Variants in VAV3 observed in about 807,000 individuals in gnomAD.
The protein encoded by VAV3 is guanine nucleotide exchange factor VAV3.
VAV3 carries 94 observed loss-of-function variants against 131.2 expected under a neutral mutation model. That is an observed-to-expected ratio of 0.72 (90% CI 0.61 to 0.85). The LOEUF is 0.85. Among genes scored for constraint, VAV3 ranks in the 40% least tolerant of loss-of-function variants. The pLI is 0.00. For synonymous variants in VAV3, 349 were observed against 342.0 expected, an observed-to-expected ratio of 1.02 and a Z score of -0.22; for missense variants, 939 against 1,002.7, an observed-to-expected ratio of 0.94 and a Z score of 0.86.
chr1:107,850,486 T>C (rs11185187), intron 2 of VAV3, among the ~76,000 whole-genome samples: 106,676 of 151,076 alleles, frequency 0.71, 37,824 homozygotes, highest in Non-Finnish European at 0.73. Context: ...TAAACAAACA[T>C]GGCATGTTCT....
intron 2 of VAV3, among the ~76,000 whole-genome samples, chr1:107,812,864 C>T (rs1168614077): frequency 6.6e-6 from 1 of 152,146 alleles, no homozygotes; most frequent in Non-Finnish European, 1.5e-5. Context: ...TGGCTCACGC[C>T]TGTAATCCCA....
intron 25 of VAV3, among the ~76,000 whole-genome samples, chr1:107,590,465 A>G (rs1650860560): frequency 6.6e-6 from 1 of 152,228 alleles, no homozygotes; most frequent in South Asian, 2.1e-4. Context: ...ACAAATGCCT[A>G]TAATTCTCAC....
At chr1:107,824,072 C>T (rs982997174) in intron 2 of VAV3, among the ~76,000 whole-genome samples, 3 of 152,132 alleles carry the variant, frequency 2.0e-5, no homozygotes, top group Non-Finnish European at 4.4e-5. Flanking sequence ...TTTCAAGAAG[C>T]AGGGAGACGT....
chr1:107,620,718 C>T (rs903880475), intron 20 of VAV3, among the ~76,000 whole-genome samples: 2 of 152,004 alleles, frequency 1.3e-5, no homozygotes, highest in South Asian at 2.1e-4. Context: ...ATAAGGACAG[C>T]GTTGGGGAGT....
At chr1:107,850,871 T>C (rs761536853) in intron 2 of VAV3, among the ~76,000 whole-genome samples, 13 of 152,098 alleles carry the variant, frequency 8.5e-5, no homozygotes, top group Non-Finnish European at 1.6e-4. Flanking sequence ...CATATATATA[T>C]ATATTTCCTT....
intron 2 of VAV3, among the ~76,000 whole-genome samples, chr1:107,827,915 C>A (rs1247958050): frequency 6.6e-6 from 1 of 152,116 alleles, no homozygotes; most frequent in Non-Finnish European, 1.5e-5. Context: ...CTATTCTAGA[C>A]CAACTAGAGG....
At chr1:107,880,965 AT>A (rs1287677939) in intron 1 of VAV3, among the ~76,000 whole-genome samples, 7 of 151,824 alleles carry the variant, frequency 4.6e-5, no homozygotes, top group East Asian at 1.9e-4. Context: ...AAAAGTTTTA[AT>A]TTTTTTTTAA....
At chr1:107,855,025 C>A (rs1021284125) in intron 2 of VAV3, among the ~76,000 whole-genome samples, 9 of 152,102 alleles carry the variant, frequency 5.9e-5, no homozygotes, top group Admixed American at 2.6e-4. Context: ...AGAGAAAACA[C>A]ACAAAAACAA....
Position 107,755,498 on chromosome 1 carries a change from C to T in VAV3, c.1102G>A (p.Val368Met). The part of the protein sequence containing the change: ...LDAMKDLAQY[V>M]NEVKRDNETL... ...TCATTATCTCTTTTCACTTCATTCA[C>T]ATATTGTGCCAAGTCCTAGACAATA... The change falls in exon 12 of 27, where the codon GTG becomes ATG. Residue 368 changes from valine to methionine, a missense_variant. Coordinates refer to ENST00000370056, the MANE Select transcript of VAV3 (RefSeq NM_006113.5). 3.7e-6 allele frequency: 6 copies of T among 1,613,316 alleles called. No individual in the cohort carries two copies. The highest frequency in any genetic ancestry group is 4.2e-6 in the Non-Finnish European group (5 of 1,179,420).
chr1:107,792,226 T>C (rs1666325578), intron 2 of VAV3, among the ~76,000 whole-genome samples: 1 of 151,638 alleles, frequency 6.6e-6, no homozygotes. Flanking sequence ...TGTTGAGTAT[T>C]TTTTTTCTTA....
intron 2 of VAV3, among the ~76,000 whole-genome samples, chr1:107,795,093 C>T (rs1435591489): frequency 2.0e-5 from 3 of 152,128 alleles, no homozygotes; most frequent in African/African-American, 7.2e-5. Context: ...TATTTGGGGG[C>T]CACCATCCCC....
intron 1 of VAV3, among the ~76,000 whole-genome samples, chr1:107,886,016 T>C (rs1671018050): frequency 6.6e-6 from 1 of 152,044 alleles, no homozygotes; most frequent in Non-Finnish European, 1.5e-5. Context: ...CATCCAAGGA[T>C]GAACAAAAAG....
At chr1:107,700,432 A>T (rs924883832) in intron 17 of VAV3, among the ~76,000 whole-genome samples, 2 of 152,044 alleles carry the variant, frequency 1.3e-5, no homozygotes, top group Non-Finnish European at 2.9e-5. Context: ...TGCATTAGCT[A>T]TTTTTCCTGA....
intron 20 of VAV3, among the ~76,000 whole-genome samples, chr1:107,635,475 TG>T (rs1424560538): frequency 5.7e-4 from 30 of 52,504 alleles, no homozygotes; most frequent in African/African-American, 1.3e-3. Context: ...TGTTGTGGGG[TG>T]GGGGGAGGGG....
chr1:107,728,633 A>ATACGTATACGTG (rs1365571649), intron 15 of VAV3, among the ~76,000 whole-genome samples: 1 of 127,048 alleles, frequency 7.9e-6, no homozygotes, highest in Non-Finnish European at 1.8e-5. Flanking sequence ...ATGTATATGT[A>ATACGTATACGTG]TATGTATATG....
Position 107,663,500 on chromosome 1 carries a change from GA to G in VAV3, c.1777+19987del, listed in dbSNP as rs199752580. 2.5e-3 allele frequency among the ~76,000 whole-genome samples: 369 copies of G among 149,374 alleles called. 1 individual carries two copies. The highest frequency in any genetic ancestry group is 6.8e-3 in the Middle Eastern group (2 of 292). On this transcript the variant is annotated intron_variant, in intron 19 of 26. Coordinates refer to ENST00000370056, the MANE Select transcript of VAV3 (RefSeq NM_006113.5). ...ACTTTGGATCGAAAATGAATATAAT[GA>G]AAAAAAAATGGTTTGATAAGCTCTT...
rs1673659083 is a variant in VAV3, at chr1:107,935,436, G to GTCTA, written c.204+29226_204+29229dup. Among the ~76,000 whole-genome samples, 3 of 152,226 alleles carry GTCTA rather than the reference G, an allele frequency of 2.0e-5. No homozygotes were observed. The South Asian group carries it at 6.2e-4, about 32-fold the overall frequency. On this transcript the variant is annotated intron_variant, in intron 1 of 26. Transcript: ENST00000370056. ...GCACCTACTGCACAGAGACCACAGG[G>GTCTA]TCTACTCTCTCCTACAGTGTTACGA...
intron 1 of VAV3, among the ~76,000 whole-genome samples, chr1:107,919,715 T>C (rs910063753): frequency 2.0e-5 from 3 of 152,188 alleles, no homozygotes; most frequent in African/African-American, 7.2e-5. Context: ...ACTAACATGT[T>C]ATATAAAGAC....
chr1:107,586,903 G>GA (rs914545920), intron 25 of VAV3, among the ~76,000 whole-genome samples: 5 of 151,994 alleles, frequency 3.3e-5, no homozygotes, highest in African/African-American at 7.2e-5. Context: ...ATCAATAAAA[G>GA]AAAAAAACTT....
Sources: gnomAD v4.1 joint callset for allele counts (sites outside exome capture counted in the v4.1 genomes callset) on GRCh38, gnomAD v4.1.1 for gene constraint, MANE v1.5 for transcripts, NCBI Gene and HGNC (gene_info 2026-07-23, HGNC 2026-07-21) for gene names.